The following ANXA4 variants were observed in gnomAD, a reference collection of about 807,000 sequenced individuals.
ANXA4 encodes annexin A4.
Under a neutral mutation model 49.8 loss-of-function variants are expected in ANXA4, and 39 were observed. The observed-to-expected ratio is 0.78, with a 90% CI of 0.61 to 1.02. ANXA4 has a LOEUF of 1.02. Among genes scored for constraint, ANXA4 ranks in the 50% least tolerant of loss-of-function variants. ANXA4 has a pLI of 0.00. For synonymous variants in ANXA4, 134 were observed against 152.5 expected (o/e 0.88, Z 0.89); for missense variants, 360 against 410.1 (o/e 0.88, Z 1.05).
intron 1 of ANXA4, among the ~76,000 whole-genome samples, chr2:69,764,271 T>C (rs1671416957): frequency 6.6e-6 from 1 of 152,240 alleles, no homozygotes; most frequent in South Asian, 2.1e-4. Flanking sequence ...CAATGGTGTT[T>C]CTGAAAGATG....
chr2:69,662,576 T>G (rs1676760987), intron 2 of ANXA4, among the ~76,000 whole-genome samples: 1 of 152,218 alleles, frequency 6.6e-6, no homozygotes, highest in African/African-American at 2.4e-5. Flanking sequence ...CTGCTTGGTA[T>G]TCTTCCTGCT....
chr2:69,691,623 A>G (rs983409469), intron 2 of ANXA4, among the ~76,000 whole-genome samples: 6 of 152,062 alleles, frequency 3.9e-5, no homozygotes, highest in Admixed American at 2.6e-4. Context: ...ATGCATGCCT[A>G]TAGCTTATTT....
In ANXA4 at chr2:69,652,533, C is replaced by G. The variant is rs147483261; in HGVS notation, n.482-465C>G. Among the ~76,000 whole-genome samples, 957 of 152,162 alleles carry G rather than the reference C, an allele frequency of 6.3e-3. 22 individuals carry two copies. The highest frequency in any genetic ancestry group is 0.011 in the East Asian group (57 of 5,186). On this transcript the variant is annotated intron_variant and non_coding_transcript_variant, in intron 1 of 3. Coordinates refer to the ANXA4 transcript ENST00000418066. ...AACTTAAGACTTTTCATTTTGAAAA[C>G]CGGTTGTGCTGACTGGAATGGGCAC...
chr2:69,650,099 C>T (rs1298853988), intron 1 of ANXA4, among the ~76,000 whole-genome samples: 1 of 150,436 alleles, frequency 6.6e-6, no homozygotes, highest in Admixed American at 6.6e-5. Context: ...TCATGCCCGG[C>T]TAATTTTTGT....
intron 2 of ANXA4, among the ~76,000 whole-genome samples, chr2:69,684,046 C>CT: frequency 6.6e-6 from 1 of 152,260 alleles, no homozygotes; most frequent in Non-Finnish European, 1.5e-5. Flanking sequence ...AGAAAAGCTG[C>CT]TAAATATACT....
At chr2:69,816,478 T>A (rs920559434) in intron 9 of ANXA4, 1 of 296,004 alleles carries the variant, frequency 3.4e-6, no homozygotes, top group Non-Finnish European at 6.5e-6. Context: ...TTTTCTAAAG[T>A]AGCCCCAGTA....
intron 2 of ANXA4, among the ~76,000 whole-genome samples, chr2:69,692,554 G>C (rs572613483): frequency 1.3e-5 from 2 of 152,078 alleles, no homozygotes; most frequent in East Asian, 3.9e-4. Flanking sequence ...TTTGCATATT[G>C]CCTGTTTTCT....
intron 1 of ANXA4, among the ~76,000 whole-genome samples, chr2:69,647,784 TG>T (rs892109662): frequency 9.9e-5 from 15 of 152,098 alleles, no homozygotes; most frequent in Non-Finnish European, 2.1e-4. Context: ...CTCAAACTCC[TG>T]GACTCAGGTG....
chr2:69,767,260 A>G (rs1026875687), intron 1 of ANXA4, among the ~76,000 whole-genome samples: 16 of 152,234 alleles, frequency 1.1e-4, no homozygotes, highest in Admixed American at 3.3e-4. Context: ...TATATACTGG[A>G]TAGTCTTAAT....
intron 3 of ANXA4, among the ~76,000 whole-genome samples, chr2:69,796,586 C>T (rs981143436): frequency 3.9e-5 from 6 of 152,180 alleles, no homozygotes; most frequent in African/African-American, 1.4e-4. Flanking sequence ...AGAAAATCGG[C>T]GCAAGTCTCC....
intron 10 of ANXA4, among the ~76,000 whole-genome samples, 179 bp downstream of exon 10, chr2:69,818,873 C>A (rs1674112529): frequency 6.6e-6 from 1 of 152,078 alleles, no homozygotes; most frequent in Non-Finnish European, 1.5e-5. Flanking sequence ...TGCTATTGTG[C>A]CATGTGGTTT....
chr2:69,667,117 A>G (rs1336352435), intron 2 of ANXA4, among the ~76,000 whole-genome samples: 2 of 152,008 alleles, frequency 1.3e-5, no homozygotes, highest in African/African-American at 2.4e-5. Context: ...AAGCAACTCT[A>G]TGGAGATAGA....
intron 1 of ANXA4, 79 bp from the exon 2 acceptor site, chr2:69,781,441 C>A: frequency 8.1e-7 from 1 of 1,229,988 alleles, no homozygotes; most frequent in Non-Finnish European, 1.2e-6. Context: ...TAGCTTCATG[C>A]AAACTGCAAG....
intron 3 of ANXA4, among the ~76,000 whole-genome samples, chr2:69,800,114 A>G (rs1433831868): frequency 6.6e-6 from 1 of 152,180 alleles, no homozygotes; most frequent in African/African-American, 2.4e-5. Context: ...CTTTCCTTTC[A>G]TCTTTGCATG....
At chr2:69,788,228 C>T (rs780704071) in intron 3 of ANXA4, 87 bp downstream of exon 3, 21 of 1,221,172 alleles carry the variant, frequency 1.7e-5, no homozygotes, top group African/African-American at 8.9e-5. Context: ...CTGGCCATCA[C>T]GTGGGTCTTC....
intron 2 of ANXA4, among the ~76,000 whole-genome samples, chr2:69,716,643 G>A (rs1186648096): frequency 2.0e-5 from 3 of 152,090 alleles, no homozygotes; most frequent in Non-Finnish European, 2.9e-5. Context: ...TCGGGAGAAC[G>A]GGTCTGAGAG....
intron 2 of ANXA4, among the ~76,000 whole-genome samples, chr2:69,655,505 G>A (rs144293469): frequency 0.015 from 2,347 of 152,194 alleles, 64 homozygotes; most frequent in African/African-American, 0.052. Flanking sequence ...TTAGAATGGC[G>A]ATCATTAAAA....
Position 69,819,711 on chromosome 2 carries a change from G to A in ANXA4, c.783+373G>A, listed in dbSNP as rs112308467. On this transcript the variant is annotated intron_variant, in intron 11 of 12. Coordinates refer to ENST00000394295, the MANE Select transcript of ANXA4 (RefSeq NM_001153.5). ...ACCTGGCATTCTAGCTCCAGAGCCC[G>A]TATTCCTAACCCTCCATCGTACTCT... is the stretch of plus-strand genomic sequence containing the variant. Among the ~76,000 whole-genome samples, 555 of 152,176 alleles carry A rather than the reference G, an allele frequency of 3.6e-3. 5 individuals carry two copies. The highest frequency in any genetic ancestry group is 0.024 in the Middle Eastern group (7 of 292).
chr2:69,669,731 A>G (rs1677089746), intron 2 of ANXA4, among the ~76,000 whole-genome samples: 1 of 152,136 alleles, frequency 6.6e-6, no homozygotes, highest in Non-Finnish European at 1.5e-5. Flanking sequence ...TTTCCTGCAC[A>G]TAGTTTATAT....
Sources: gnomAD v4.1 joint callset for allele counts (sites outside exome capture counted in the v4.1 genomes callset) on GRCh38, gnomAD v4.1.1 for gene constraint, MANE v1.5 for transcripts, NCBI Gene and HGNC (gene_info 2026-07-23, HGNC 2026-07-21) for gene names.